The following SNED1 variants were observed in gnomAD, a reference collection of about 807,000 sequenced individuals.
SNED1 encodes the protein sushi, nidogen and EGF-like domain-containing protein 1.
SNED1 carries 81 observed loss-of-function variants against 166.7 expected under a neutral mutation model. That is an observed-to-expected ratio of 0.49 (90% CI 0.41 to 0.58). SNED1 has a LOEUF of 0.58. Ranked by LOEUF, SNED1 falls within the 20% of genes least tolerant of loss-of-function variation. The probability of loss-of-function intolerance (pLI) is 0.00; values close to 1 mark genes in which losing one functional copy is unlikely to be tolerated. For synonymous variants in SNED1, 762 were observed against 822.0 expected (o/e 0.93, Z 1.25); for missense variants, 1,604 against 2,000.2 (o/e 0.80, Z 3.78).
rs887446241 is a variant in SNED1, at chr2:241,094,722, T to C, written c.*3086T>C. ...TCTCTTGTGGGACCATCCTGTGCAC[T>C]GCAGGATGTTTCACAGCACCCCTGG... On this transcript the variant is annotated 3_prime_UTR_variant, in exon 32 of 32. Transcript: ENST00000310397. The surrounding 1 kb of genome is among the most constrained non-coding windows in gnomAD (Gnocchi z 4.3). The C allele has an allele frequency of 2.2e-5, 5 of 227,338 alleles. No homozygotes were observed. Among genetic ancestry groups the C allele is most frequent in the African/African-American group, 1.2e-4 (5 of 42,584 alleles). 14.1% of individuals were successfully genotyped at this position (227,338 alleles called of 1,614,324 possible).
intron 16 of SNED1, among the ~76,000 whole-genome samples, chr2:241,060,721 T>C (rs1268585245): frequency 1.3e-5 from 2 of 152,066 alleles, no homozygotes; most frequent in Non-Finnish European, 2.9e-5. Flanking sequence ...GACAGGAGTT[T>C]TGTTTGAGCC....
At chr2:241,082,629 C>T (rs1445192901) in intron 29 of SNED1, among the ~76,000 whole-genome samples, 1 of 152,218 alleles carries the variant, frequency 6.6e-6, no homozygotes, top group East Asian at 1.9e-4. Context: ...CCAGGCCTTC[C>T]TTCCCACACA....
intron 31 of SNED1, chr2:241,088,630 G>A (rs955436542): frequency 1.8e-6 from 1 of 553,822 alleles, no homozygotes; most frequent in Non-Finnish European, 3.2e-6. Context: ...CCTTCAGGTG[G>A]AAATGAGGCT....
intron 31 of SNED1, chr2:241,090,437 G>T (rs1360321807): frequency 6.5e-7 from 1 of 1,545,436 alleles, no homozygotes; most frequent in South Asian, 1.2e-5. Context: ...TTCATAAGTA[G>T]AAGGAGTACA....
At position 241,053,209 on chromosome 2, in the gene SNED1, ACGCGGCTGGG is replaced by A. The variant is rs989869055; in HGVS notation, c.2146_2155del (p.Leu716TrpfsTer12). 6.2e-7 allele frequency: 1 copy of A among 1,610,228 alleles called. No homozygotes were observed. The highest frequency in any genetic ancestry group is 8.5e-7 in the Non-Finnish European group (1 of 1,179,448). The stretch of plus-strand genomic sequence containing the variant: ...GCACGCCACACTGCGCTTCAACGGC[ACGCGGCTGGG>A]CGCGGTGGCCCTGTATGCATGTGAC... On this transcript the variant is annotated frameshift_variant, in exon 16 of 32. Transcript: ENST00000310397. LOFTEE classifies it high-confidence loss of function.
Position 241,018,889 on chromosome 2 carries a change from C to T in SNED1, c.214-11395C>T, listed in dbSNP as rs1225032767. Among the ~76,000 whole-genome samples the T allele has an allele frequency of 3.3e-5, 5 of 152,220 alleles. No homozygotes were observed. The highest frequency in any genetic ancestry group is 7.3e-5 in the Non-Finnish European group (5 of 68,040). On this transcript the variant is annotated intron_variant, in intron 1 of 31. Coordinates refer to ENST00000310397, the MANE Select transcript of SNED1 (RefSeq NM_001080437.3). This position sits in a 1 kb window ranked among gnomAD's most constrained non-coding sequence, Gnocchi z 5.4. ...AAACCAACCAGGCGGGCTGGGGCAG[C>T]TGTCAGGGAAAGAGCCTTATCAGGC...
intron 31 of SNED1, chr2:241,089,950 A>T: frequency 6.5e-7 from 1 of 1,543,902 alleles, no homozygotes; most frequent in Non-Finnish European, 8.7e-7. Flanking sequence ...CTACAGTAAA[A>T]ATAGATATAA....
chr2:241,027,096 T>A (rs2060991985), intron 1 of SNED1, among the ~76,000 whole-genome samples: 1 of 152,016 alleles, frequency 6.6e-6, no homozygotes, highest in African/African-American at 2.4e-5. Flanking sequence ...TTTTTTTTTT[T>A]TAAAGACAGG....
At position 241,069,831 on chromosome 2, in the gene SNED1, C is replaced by A. The variant is rs1011808617; in HGVS notation, c.3308-89C>A. On this transcript the variant is annotated intron_variant, in intron 23 of 31. Coordinates refer to ENST00000310397, the MANE Select transcript of SNED1 (RefSeq NM_001080437.3). This position sits in a 1 kb window ranked among gnomAD's most constrained non-coding sequence, Gnocchi z 4.9. ...AAGAATCTGGCTTCCAGCAAGGCTG[C>A]GGCAGCCCATGTCCGGTTCTCAAAC... 1 of 1,445,408 alleles carries A rather than the reference C, an allele frequency of 6.9e-7. No individual in the cohort carries two copies. Among genetic ancestry groups the A allele is most frequent in the Non-Finnish European group, 9.4e-7 (1 of 1,064,060 alleles). 89.5% of individuals were successfully genotyped at this position (1,445,408 alleles called of 1,614,324 possible).
intron 31 of SNED1, chr2:241,088,910 C>T (rs1470535175): frequency 4.9e-6 from 1 of 202,962 alleles, no homozygotes; most frequent in African/African-American, 2.3e-5. Flanking sequence ...GCCTTGATCG[C>T]TTAATATTTA....
At chr2:241,083,603 C>T (rs2063434866) in intron 29 of SNED1, among the ~76,000 whole-genome samples, 1 of 152,140 alleles carries the variant, frequency 6.6e-6, no homozygotes, top group Non-Finnish European at 1.5e-5. Flanking sequence ...CCACTGAATT[C>T]GGATTCTATG....
At chr2:241,080,748 G>A (rs145677363) in intron 27 of SNED1, among the ~76,000 whole-genome samples, 410 of 152,368 alleles carry the variant, frequency 2.7e-3, no homozygotes, top group African/African-American at 9.4e-3. Context: ...GAAAGAAGAA[G>A]CAACCTAGTG....
intron 24 of SNED1, among the ~76,000 whole-genome samples, chr2:241,070,536 C>T (rs2062655260): frequency 6.6e-6 from 1 of 152,190 alleles, no homozygotes; most frequent in Admixed American, 6.5e-5. Context: ...CCGGAAGTGG[C>T]CTGCATTGCA....
At chr2:241,086,436 C>T (rs1318881608) in intron 29 of SNED1, among the ~76,000 whole-genome samples, 3 of 152,164 alleles carry the variant, frequency 2.0e-5, no homozygotes, top group Admixed American at 6.5e-5. Flanking sequence ...TCAGTGTGAC[C>T]ACTGCTTGGA....
At chr2:241,052,323 A>G (rs920322511) in intron 14 of SNED1, 32 bp from the exon 15 acceptor site, 34 of 1,538,646 alleles carry the variant, frequency 2.2e-5, no homozygotes, top group Non-Finnish European at 2.9e-5. Flanking sequence ...CAGGGAAGAC[A>G]CAGTGGCCAG....
intron 27 of SNED1, chr2:241,074,252 G>C (rs1443855441): frequency 1.3e-5 from 2 of 150,650 alleles, no homozygotes; most frequent in Non-Finnish European, 2.9e-5. Flanking sequence ...GGGTGTGTTT[G>C]CAAGTGGCGG....
chr2:241,039,150 C>A (rs2061454101), intron 6 of SNED1, among the ~76,000 whole-genome samples: 1 of 152,158 alleles, frequency 6.6e-6, no homozygotes. Flanking sequence ...CACCTTGGCC[C>A]CCAGAACCCA....
intron 4 of SNED1, chr2:241,035,475 T>C (rs2061320186): frequency 6.6e-6 from 1 of 152,194 alleles, no homozygotes; most frequent in Non-Finnish European, 1.5e-5. Flanking sequence ...CAGAAATCAC[T>C]GCTTACACTT....
Position 241,051,860 on chromosome 2 carries a change from G to A in SNED1, c.1852G>A (p.Gly618Arg), listed in dbSNP as rs1437622728. 2.6e-6 allele frequency: 4 copies of A among 1,537,472 alleles called. No homozygotes were observed. Among genetic ancestry groups the A allele is most frequent in the East Asian group, 2.4e-5 (1 of 41,482 alleles). Residue 618 changes from glycine (G) to arginine (R), a missense_variant and splice_region_variant, in exon 13 of 32, where the codon GGG (glycine) becomes AGG (arginine). By Grantham distance (125) the Gly-to-Arg change is moderately radical. Transcript: ENST00000310397. This position sits in a 1 kb window ranked among gnomAD's most constrained non-coding sequence, Gnocchi z 4.7. ...CTTCACTGGGAGGCACTGTGAGATC[G>A]GTGCGGCCCCCAGGGGCAGGGGGGA... ...YRFTGRHCEIGKPDSCASGPC... is the reference protein window; with the variant it reads ...YRFTGRHCEIRKPDSCASGPC...
Sources: gnomAD v4.1 joint callset for allele counts (sites outside exome capture counted in the v4.1 genomes callset) on GRCh38, gnomAD v4.1.1 for gene constraint, Gnocchi (gnomAD v3.1) non-coding constraint, MANE v1.5 for transcripts, NCBI Gene and HGNC (gene_info 2026-07-23, HGNC 2026-07-21) for gene names.